Variants in RNASET2 observed in about 807,000 individuals in gnomAD.
The protein encoded by RNASET2 is ribonuclease 6.
Under a neutral mutation model 33.9 loss-of-function variants are expected in RNASET2, and 28 were observed. The observed-to-expected ratio is 0.83, with a 90% confidence interval of 0.61 to 1.13. RNASET2 has a LOEUF of 1.13. Among genes scored for constraint, RNASET2 ranks in the 50% most tolerant of loss-of-function variants. The pLI, the probability that RNASET2 is intolerant of heterozygous loss-of-function variation, is 0.00. For synonymous variants in RNASET2, 123 were observed against 121.0 expected (o/e 1.02, Z -0.11); for missense variants, 330 against 319.9 (o/e 1.03, Z -0.24).
chr6:166,955,783 C>A (rs138126974), intron 1 of RNASET2: 10 of 983,616 alleles, frequency 1.0e-5, no homozygotes, highest in East Asian at 1.1e-4. Flanking sequence ...AGGGCTCCCC[C>A]CAACCCACTC....
intron 2 of RNASET2, among the ~76,000 whole-genome samples, chr6:166,952,041 T>C (rs774766781): frequency 3.3e-5 from 5 of 152,134 alleles, no homozygotes; most frequent in Admixed American, 6.5e-5. Context: ...ATTACTGGTG[T>C]CCTCATCAGA....
intron 6 of RNASET2, 88 bp from the exon 7 acceptor site, chr6:166,934,224 A>C (rs1294341848): frequency 8.0e-6 from 7 of 874,914 alleles, no homozygotes; most frequent in Non-Finnish European, 1.1e-5. Context: ...TCATGGTAAA[A>C]ATTAAGACAC....
At chr6:166,935,342 TC>T (rs1282362188) in intron 6 of RNASET2, among the ~76,000 whole-genome samples, 5 of 152,236 alleles carry the variant, frequency 3.3e-5, no homozygotes, top group Non-Finnish European at 7.3e-5. Context: ...TTCTTTTTGC[TC>T]CTTTTAATGA....
intron 2 of RNASET2, among the ~76,000 whole-genome samples, chr6:166,949,620 G>A (rs560159543): frequency 6.6e-6 from 1 of 151,846 alleles, no homozygotes; most frequent in South Asian, 2.1e-4. Flanking sequence ...AGAACAGAAA[G>A]TCCTTACTGC....
In RNASET2 at chr6:166,924,765, C is replaced by T. The variant is rs1261675963; in HGVS notation, c.*4823G>A. ...GTCGGGAGTTTGAGACCAGCGTGAC[C>T]AACATGGAGAAAACCCATCTCTACT... On this transcript the variant is annotated 3_prime_UTR_variant, in exon 9 of 9. Coordinates refer to ENST00000508775, the MANE Select transcript of RNASET2 (RefSeq NM_003730.6). 1.3e-5 allele frequency among the ~76,000 whole-genome samples: 2 copies of T among 152,124 alleles called. No homozygotes were observed.
chr6:166,951,200 T>G (rs1261931395), intron 2 of RNASET2, among the ~76,000 whole-genome samples: 12 of 152,354 alleles, frequency 7.9e-5, no homozygotes, highest in Middle Eastern at 6.8e-3. Flanking sequence ...GCTTACGCCA[T>G]TATTTCTTCT....
chr6:166,956,427 G>A lies in RNASET2; in HGVS notation c.-245C>T, dbSNP rs1037905172. The A allele has an allele frequency of 1.8e-5, 10 of 561,880 alleles. No individual in the cohort carries two copies. In the South Asian group the frequency reaches 1.8e-4, roughly 10 times the overall value. 34.8% of individuals were successfully genotyped at this position (561,880 alleles called of 1,614,324 possible). ...GCCCTGGCGACCCGGGCCCCTCGGAGCTCCCCTTCAGGATCGTGCACCAAG... is the reference window on the plus strand; with the variant it reads ...GCCCTGGCGACCCGGGCCCCTCGGAACTCCCCTTCAGGATCGTGCACCAAG... On this transcript the variant is annotated 5_prime_UTR_variant, in exon 1 of 9. Coordinates refer to ENST00000508775, the MANE Select transcript of RNASET2 (RefSeq NM_003730.6).
chr6:166,955,249 GCACACACGCACACACACA>G (rs1322798448), intron 1 of RNASET2, among the ~76,000 whole-genome samples: 3 of 92,914 alleles, frequency 3.2e-5, no homozygotes, highest in African/African-American at 5.1e-5. Context: ...GCACACACAC[GCACACACGCACACACACA>G]CACGCGCACA....
rs189404412 is a variant in RNASET2, at chr6:166,942,723, C to T, written c.332+296G>A. Among the ~76,000 whole-genome samples the T allele has an allele frequency of 5.4e-3, 824 of 152,162 alleles. 11 individuals are homozygous for T. Among genetic ancestry groups the T allele is most frequent in the South Asian group, 0.027 (129 of 4,832 alleles). ...TCCCAAAGTGCTAGGATTACAGGCA[C>T]GAGCCATTGTGACTGGCCGAGAAAA... On this transcript the variant is annotated intron_variant, in intron 5 of 8. Coordinates refer to ENST00000508775, the MANE Select transcript of RNASET2 (RefSeq NM_003730.6).
chr6:166,936,111 T>C (rs1207276952), intron 6 of RNASET2, among the ~76,000 whole-genome samples: 1 of 152,272 alleles, frequency 6.6e-6, no homozygotes, highest in African/African-American at 2.4e-5. Context: ...GCACTAAGAA[T>C]TATAGATTTC....
At chr6:166,941,492 A>G (rs1778692505) in intron 5 of RNASET2, among the ~76,000 whole-genome samples, 1 of 152,136 alleles carries the variant, frequency 6.6e-6, no homozygotes, top group African/African-American at 2.4e-5. Flanking sequence ...CCAACTTATC[A>G]TGGCCATTAT....
At chr6:166,943,768 G>A (rs1778756527) in intron 4 of RNASET2, 2 of 470,232 alleles carry the variant, frequency 4.3e-6, no homozygotes, top group South Asian at 3.1e-5. Flanking sequence ...GGAGAGTTGA[G>A]GGGGAAGGGA....
rs1778339754 is a variant in RNASET2, at chr6:166,928,395, T to A, written c.*1193A>T. The stretch of plus-strand genomic sequence containing the variant: ...GGTTTGAGCCAATTTGAAAATCTCT[T>A]CTTTAAATGGGCGAGTAAAGCCGAA... On this transcript the variant is annotated 3_prime_UTR_variant, in exon 9 of 9. Coordinates refer to ENST00000508775, the MANE Select transcript of RNASET2 (RefSeq NM_003730.6). Among the ~76,000 whole-genome samples the A allele has an allele frequency of 6.6e-6, 1 of 152,016 alleles. No homozygotes were observed. Among genetic ancestry groups the A allele is most frequent in the Admixed American group, 6.5e-5 (1 of 15,270 alleles).
chr6:166,929,782 C>G lies in RNASET2; in HGVS notation c.577G>C (p.Val193Leu). Residue 193 changes from valine (V) to leucine (L), a missense_variant, in exon 9 of 9, where the codon GTA becomes CTA. Physicochemically the swap from Val to Leu is conservative, Grantham distance 32 (BLOSUM62 1). Coordinates refer to ENST00000508775, the MANE Select transcript of RNASET2 (RefSeq NM_003730.6). Reference sequence around the variant, plus strand: ...AGTTCTATCTGACCAATTGTCTGTACTTCCTCATCCTAAAAGTAAACAATG... The same window carrying G: ...AGTTCTATCTGACCAATTGTCTGTAGTTCCTCATCCTAAAAGTAAACAATG... ...QCLPPSQDEE[V>L]QTIGQIELCL... 1 of 1,613,780 alleles carries G rather than the reference C, an allele frequency of 6.2e-7. No homozygotes were observed. The highest frequency in any genetic ancestry group is 2.2e-5 in the East Asian group (1 of 44,890).
At chr6:166,946,792 T>TGGC in intron 3 of RNASET2, 53 bp from the exon 4 acceptor site, 2 of 1,109,588 alleles carry the variant, frequency 1.8e-6, no homozygotes, top group Non-Finnish European at 2.7e-6. Flanking sequence ...TTGGTTGGGG[T>TGGC]GGCTTCTACA....
chr6:166,955,347 GCAC>G (rs1198326235), intron 1 of RNASET2: 1 of 172,270 alleles, frequency 5.8e-6, no homozygotes, highest in Non-Finnish European at 9.0e-6. Flanking sequence ...ACACGCACAC[GCAC>G]GCACACACAC....
rs540739308 is a variant in RNASET2, at chr6:166,946,727, A to G, written c.216T>C (p.Ser72=). 3 of 1,566,964 alleles carry G rather than the reference A, an allele frequency of 1.9e-6. No individual in the cohort carries two copies. The highest frequency in any genetic ancestry group is 2.3e-5 in the South Asian group (2 of 87,286). The change falls in exon 4 of 9, where the codon AGT becomes AGC. Residue 72 remains serine (S), a synonymous_variant. Transcript: ENST00000508775. ...WTIHGLWPDK[S]EGCNRSWPFN... ...AGGGCCACGATCTATTACATCCTTCACTTTTATCGGGCCTGGAAATTCAAA... is the reference window on the plus strand; with the variant it reads ...AGGGCCACGATCTATTACATCCTTCGCTTTTATCGGGCCTGGAAATTCAAA...
In RNASET2 at chr6:166,929,932, C is replaced by A. The variant is rs115084177; in HGVS notation, c.568-141G>T. The A allele has an allele frequency of 1.0e-3, 832 of 804,602 alleles. 5 individuals are homozygous for A. In the African/African-American group the frequency reaches 0.012, roughly 12 times the overall value. 49.8% of individuals were successfully genotyped at this position (804,602 alleles called of 1,614,324 possible). ...ACAGGTTCTAGGTTCCAAGAACGGA[C>A]CCCTTCATTGAGCAGAAGGCTGCTG... On this transcript the variant is annotated intron_variant, in intron 8 of 8. Transcript: ENST00000508775.
chr6:166,934,170 A>G (rs767129334), intron 6 of RNASET2, 34 bp from the exon 7 acceptor site: 17 of 1,359,618 alleles, frequency 1.3e-5, no homozygotes, highest in Non-Finnish European at 1.8e-5. Flanking sequence ...TAGCTGTATA[A>G]TGAAGGTCCA....
Sources: gnomAD v4.1 joint callset for allele counts (sites outside exome capture counted in the v4.1 genomes callset) on GRCh38, gnomAD v4.1.1 for gene constraint, MANE v1.5 for transcripts, NCBI Gene and HGNC (gene_info 2026-07-23, HGNC 2026-07-21) for gene names.